RBFOX1: variants seen among roughly 807,000 people sequenced by gnomAD.
RBFOX1 encodes RNA binding fox-1 homolog 1.
A neutral mutation model predicts 57.7 loss-of-function variants in RBFOX1; 8 were observed. That is an observed-to-expected ratio of 0.14 (90% confidence interval 0.08 to 0.25). RBFOX1 has a LOEUF of 0.25. Ranked by LOEUF, RBFOX1 falls within the 10% of genes least tolerant of loss-of-function variation. The pLI, the probability that RBFOX1 is intolerant of heterozygous loss-of-function variation, is 1.00. For synonymous variants in RBFOX1, 326 were observed against 222.4 expected, an observed-to-expected ratio of 1.47 and a Z score of -4.15; for missense variants, 611 against 548.5, an observed-to-expected ratio of 1.11 and a Z score of -1.14.
At chr16:7,657,770 G>A (rs905232086) in intron 12 of RBFOX1, among the ~76,000 whole-genome samples, 2 of 152,092 alleles carry the variant, frequency 1.3e-5, no homozygotes, top group Admixed American at 1.3e-4. Flanking sequence ...TTCCTCCAGG[G>A]GTAGGGAAAG....
At chr16:7,661,089 C>T (rs559552091) in intron 12 of RBFOX1, among the ~76,000 whole-genome samples, 3 of 152,200 alleles carry the variant, frequency 2.0e-5, no homozygotes, top group South Asian at 4.1e-4. Flanking sequence ...TAATGGTGCT[C>T]GTGCTGTTAC....
intron 3 of RBFOX1, among the ~76,000 whole-genome samples, chr16:6,941,626 C>T (rs1418622084): frequency 6.6e-6 from 1 of 151,714 alleles, no homozygotes; most frequent in Non-Finnish European, 1.5e-5. Flanking sequence ...GCCCTTCATA[C>T]CTGTTGAATA....
intron 4 of RBFOX1, among the ~76,000 whole-genome samples, chr16:7,380,099 C>A (rs950944100): frequency 6.6e-6 from 1 of 152,110 alleles, no homozygotes; most frequent in African/African-American, 2.4e-5. Flanking sequence ...CTCAAGTAGT[C>A]CTCTGACCTC....
chr16:5,575,310 TATC>T (rs1489836845), intron 2 of RBFOX1, among the ~76,000 whole-genome samples: 5 of 152,154 alleles, frequency 3.3e-5, no homozygotes, highest in African/African-American at 9.7e-5. Context: ...TCATTTTCAT[TATC>T]ATCATCATCT....
chr16:6,082,165 C>A (rs1227421640), intron 1 of RBFOX1, among the ~76,000 whole-genome samples: 2 of 145,216 alleles, frequency 1.4e-5, no homozygotes, highest in East Asian at 2.1e-4. Flanking sequence ...GGTCACTTAC[C>A]AATACCAGTG....
chr16:6,863,143 C>G (rs1289724258), intron 3 of RBFOX1, among the ~76,000 whole-genome samples: 1 of 151,962 alleles, frequency 6.6e-6, no homozygotes, highest in Admixed American at 6.6e-5. Context: ...AATTAATAAG[C>G]AGGGGATCAA....
chr16:7,328,434 C>G (rs1414057453), intron 4 of RBFOX1, among the ~76,000 whole-genome samples: 1 of 131,964 alleles, frequency 7.6e-6, no homozygotes, highest in Non-Finnish European at 1.5e-5. Context: ...GAGCTGAGAT[C>G]ATGCCATTGC....
chr16:7,219,849 A>G (rs1196613249), intron 4 of RBFOX1, among the ~76,000 whole-genome samples: 1 of 152,182 alleles, frequency 6.6e-6, no homozygotes, highest in Non-Finnish European at 1.5e-5. Flanking sequence ...ATTGTTTCTG[A>G]GAGTGAGTGT....
rs1292405297 is a variant in RBFOX1 at position 7,251,378 on chromosome 16, T to C, written c.27+199280T>C. ...CTTTTTAGGGCTGAATGACATTCCA[T>C]TGTAGATACAGAGCATACTTCTGTC... On this transcript the variant is annotated intron_variant, in intron 4 of 15. Transcript: ENST00000550418. 2.6e-5 allele frequency among the ~76,000 whole-genome samples: 4 copies of C among 151,672 alleles called. No homozygotes were observed. The East Asian group carries it at 7.8e-4, about 29-fold the overall frequency.
In RBFOX1 at chr16:6,478,404, TATATATATATATATATATATA is replaced by T. The variant is rs1485187967; in HGVS notation, c.-64+161348_-64+161368del. ...CACCCAGCTAATATATATATATATA[TATATATATATATATATATATA>T]TATATTTTTTTTTTTTTTTTTTGTA... On this transcript the variant is annotated intron_variant, in intron 2 of 15. Coordinates refer to ENST00000550418, the MANE Select transcript of RBFOX1 (RefSeq NM_018723.4). Among the ~76,000 whole-genome samples, 51 of 16,982 alleles carry T rather than the reference TATATATATATATATATATATA, an allele frequency of 3.0e-3. 3 individuals are homozygous for T. Among genetic ancestry groups the T allele is most frequent in the Non-Finnish European group, 7.3e-4 (7 of 9,642 alleles). The allele number at this position is 16,982 out of a possible 152,430, so 11.1% of individuals were successfully genotyped here.
intron 3 of RBFOX1, among the ~76,000 whole-genome samples, chr16:5,827,259 G>A (rs374420693): frequency 6.6e-6 from 1 of 151,990 alleles, no homozygotes; most frequent in African/African-American, 2.4e-5. Context: ...AATTAGCCGG[G>A]TGTGGTGGTG....
intron 3 of RBFOX1, among the ~76,000 whole-genome samples, chr16:5,734,702 C>G (rs2052509674): frequency 6.6e-6 from 1 of 152,182 alleles, no homozygotes; most frequent in African/African-American, 2.4e-5. Flanking sequence ...GGCAGCAGCT[C>G]TCAGATGACT....
At position 5,709,629 on chromosome 16, in the gene RBFOX1, G is replaced by A. The variant is rs565081999; in HGVS notation, c.318+110668G>A. ...AAGCATCATTAGCTAGGTGTGTCAG[G>A]CACTTGTCTTGCTGCATTCTTACAT... On this transcript the variant is annotated intron_variant, in intron 3 of 19. Coordinates refer to the RBFOX1 transcript ENST00000641259. 4.0e-5 allele frequency among the ~76,000 whole-genome samples: 6 copies of A among 150,610 alleles called. No individual in the cohort carries two copies. In the East Asian group the frequency reaches 9.9e-4, roughly 25 times the overall value.
chr16:7,292,107 ATTATG>A (rs2095792670), intron 4 of RBFOX1, among the ~76,000 whole-genome samples: 1 of 136,054 alleles, frequency 7.4e-6, no homozygotes, highest in African/African-American at 2.7e-5. Flanking sequence ...TATATCATGT[ATTATG>A]TATAATATAT....
chr16:6,357,516 C>G (rs1054994535), intron 2 of RBFOX1, among the ~76,000 whole-genome samples: 1 of 151,976 alleles, frequency 6.6e-6, no homozygotes, highest in Non-Finnish European at 1.5e-5. Flanking sequence ...GGGTGTCTAG[C>G]CTTTTTTACT....
intron 3 of RBFOX1, among the ~76,000 whole-genome samples, chr16:6,738,511 A>G (rs1376062987): frequency 6.6e-6 from 1 of 152,212 alleles, no homozygotes; most frequent in Non-Finnish European, 1.5e-5. Context: ...AGAACATAAA[A>G]AAACAGATAT....
At chr16:6,423,656 G>A (rs1247040437) in intron 2 of RBFOX1, among the ~76,000 whole-genome samples, 2 of 152,114 alleles carry the variant, frequency 1.3e-5, no homozygotes, top group African/African-American at 2.4e-5. Flanking sequence ...CTACACAGGG[G>A]AGCAGAGAAA....
chr16:7,032,421 A>C (rs901854655), intron 3 of RBFOX1, among the ~76,000 whole-genome samples: 3 of 152,102 alleles, frequency 2.0e-5, no homozygotes, highest in Admixed American at 6.6e-5. Context: ...CAATCTGGGC[A>C]ATAGAGCAAG....
At chr16:5,756,186 A>G (rs1240518507) in intron 3 of RBFOX1, among the ~76,000 whole-genome samples, 1 of 113,502 alleles carries the variant, frequency 8.8e-6, no homozygotes, top group Non-Finnish European at 1.7e-5. Flanking sequence ...GTATTATTTG[A>G]TTTCTGTGAA....
Sources: allele counts gnomAD v4.1 joint callset (sites outside exome capture counted in the v4.1 genomes callset), GRCh38; gene constraint gnomAD v4.1.1; transcripts MANE v1.5; gene names NCBI Gene and HGNC (gene_info 2026-07-23, HGNC 2026-07-21).